IKZF3: variants seen among roughly 807,000 people sequenced by gnomAD.
The protein encoded by IKZF3 is zinc finger protein Aiolos.
Under a neutral mutation model 49.0 loss-of-function variants are expected in IKZF3, and 10 were observed. That is an observed-to-expected ratio of 0.20 (90% CI 0.13 to 0.35). The LOEUF is 0.35. IKZF3 is among the 10% of genes least tolerant of loss of function. The pLI, the probability that IKZF3 is intolerant of heterozygous loss-of-function variation, is 1.00. For missense variants in IKZF3, 498 were observed against 664.8 expected (o/e 0.75, Z 2.76); for synonymous variants, 209 against 228.2 (o/e 0.92, Z 0.76).
At chr17:39,795,393 C>A (rs1167835396) in intron 3 of IKZF3, among the ~76,000 whole-genome samples, 2 of 151,974 alleles carry the variant, frequency 1.3e-5, no homozygotes, top group African/African-American at 4.8e-5. Context: ...TGGGGATTAG[C>A]AACTTATTTT....
rs544133002 is a variant in IKZF3 at position 39,831,549 on chromosome 17, T to G, written c.61+549A>C. ...ATAAATTATTGTAAATGTTTATAAT[T>G]TATTCTAGAGCAGGGATCAGTAAAC... is the stretch of plus-strand genomic sequence containing the variant. On this transcript the variant is annotated intron_variant, in intron 2 of 7. Transcript: ENST00000346872. Among the ~76,000 whole-genome samples the G allele has an allele frequency of 3.4e-4, 52 of 152,266 alleles. No individual in the cohort carries two copies. In the South Asian group the frequency reaches 0.011, roughly 32 times the overall value.
intron 3 of IKZF3, among the ~76,000 whole-genome samples, chr17:39,821,462 G>A (rs2061808679): frequency 6.6e-6 from 1 of 152,160 alleles, no homozygotes; most frequent in Non-Finnish European, 1.5e-5. Context: ...CAAAGGGGCT[G>A]TGATCAGTTA....
chr17:39,795,443 C>T (rs1203545556), intron 3 of IKZF3, among the ~76,000 whole-genome samples: 1 of 152,134 alleles, frequency 6.6e-6, no homozygotes, highest in Non-Finnish European at 1.5e-5. Context: ...TAGTCTTGCT[C>T]TGTTGCCCAG....
chr17:39,791,664 A>T (rs1442217885), intron 4 of IKZF3, 81 bp from the exon 5 acceptor site: 1 of 1,406,980 alleles, frequency 7.1e-7, no homozygotes, highest in Admixed American at 1.8e-5. Flanking sequence ...CTAGGGGAAA[A>T]GCTCATCTTT....
chr17:39,829,815 G>C (rs2144290747), intron 2 of IKZF3, among the ~76,000 whole-genome samples: 1 of 152,292 alleles, frequency 6.6e-6, no homozygotes, highest in South Asian at 2.1e-4. Context: ...AGTTGGGCAT[G>C]GCGGTGCATG....
At chr17:39,850,969 G>A (rs141889458) in intron 1 of IKZF3, among the ~76,000 whole-genome samples, 7,900 of 133,366 alleles carry the variant, frequency 0.059, 323 homozygotes, top group Non-Finnish European at 0.088. Context: ...TATTATATAC[G>A]TGTATATATT....
At chr17:39,811,253 AG>A (rs1421109116) in intron 3 of IKZF3, among the ~76,000 whole-genome samples, 5 of 142,912 alleles carry the variant, frequency 3.5e-5, no homozygotes, top group African/African-American at 1.3e-4. Context: ...AGAAAGAAAG[AG>A]AGGGAGAGAA....
chr17:39,778,101 C>G (rs1285677203), intron 6 of IKZF3: 9 of 1,011,864 alleles, frequency 8.9e-6, no homozygotes, highest in Non-Finnish European at 1.1e-5. Flanking sequence ...CCCGATCAGC[C>G]TTCTTTCTGA....
chr17:39,797,576 C>T (rs2061202053), intron 3 of IKZF3, among the ~76,000 whole-genome samples: 1 of 152,038 alleles, frequency 6.6e-6, no homozygotes, highest in African/African-American at 2.4e-5. Context: ...GCACGTGCCA[C>T]CACACCTGGC....
chr17:39,857,336 A>C, intron 1 of IKZF3, among the ~76,000 whole-genome samples: 1 of 152,200 alleles, frequency 6.6e-6, no homozygotes. Context: ...TATTCTGGTA[A>C]ATTAATAGTC....
intron 3 of IKZF3, among the ~76,000 whole-genome samples, chr17:39,803,063 T>C (rs1223578394): frequency 6.6e-6 from 1 of 152,162 alleles, no homozygotes; most frequent in Non-Finnish European, 1.5e-5. Context: ...AAGAGGAGAT[T>C]TACTACTTTT....
intron 3 of IKZF3, among the ~76,000 whole-genome samples, chr17:39,804,903 C>T (rs1366377609): frequency 6.6e-6 from 1 of 152,144 alleles, no homozygotes; most frequent in African/African-American, 2.4e-5. Flanking sequence ...ACTTTACATA[C>T]TCTGTCTCCT....
At chr17:39,842,840 C>T (rs941115283) in intron 1 of IKZF3, among the ~76,000 whole-genome samples, 6 of 152,218 alleles carry the variant, frequency 3.9e-5, no homozygotes, top group South Asian at 2.1e-4. Flanking sequence ...AAAGCCTGTT[C>T]GATATCACTG....
chr17:39,836,863 T>A (rs2062299764), intron 1 of IKZF3, among the ~76,000 whole-genome samples: 1 of 152,242 alleles, frequency 6.6e-6, no homozygotes, highest in Non-Finnish European at 1.5e-5. Flanking sequence ...TGAATAGTCA[T>A]ATTGTATTTT....
chr17:39,828,725 A>T (rs564235581), intron 3 of IKZF3, among the ~76,000 whole-genome samples: 3 of 152,198 alleles, frequency 2.0e-5, no homozygotes, highest in Admixed American at 6.5e-5. Flanking sequence ...TGGGCTGGGT[A>T]TGGTGGTTCA....
intron 3 of IKZF3, among the ~76,000 whole-genome samples, chr17:39,824,486 G>A (rs1296847523): frequency 2.0e-5 from 3 of 152,056 alleles, no homozygotes; most frequent in South Asian, 2.1e-4. Flanking sequence ...GAAATATGAG[G>A]ACATGCGATT....
chr17:39,785,970 G>T (rs576329214), intron 6 of IKZF3, among the ~76,000 whole-genome samples: 1 of 152,312 alleles, frequency 6.6e-6, no homozygotes, highest in East Asian at 1.9e-4. Context: ...GCCACATATT[G>T]TATGATTCCA....
intron 6 of IKZF3, among the ~76,000 whole-genome samples, chr17:39,780,810 G>T (rs2060722471): frequency 6.6e-6 from 1 of 152,058 alleles, no homozygotes. Flanking sequence ...AACACAGTGA[G>T]ATCCCATCTC....
At position 39,760,565 on chromosome 17, in the gene IKZF3, C is replaced by T. The variant is rs1010559710; in HGVS notation, c.*5225G>A. ...TCTCGAACTCCCAAACTCAGGTGAT[C>T]CGCCCGCCTTGGCCTCCCAAAGTGC... On this transcript the variant is annotated 3_prime_UTR_variant, in exon 8 of 8. Transcript: ENST00000346872. 1 of 152,352 alleles carries T rather than the reference C, an allele frequency of 6.6e-6. No homozygotes were observed. Among genetic ancestry groups the T allele is most frequent in the Non-Finnish European group, 1.5e-5 (1 of 68,164 alleles). The allele number at this position is 152,352 out of a possible 1,614,324, so 9.4% of individuals were successfully genotyped here. A position where few individuals can be genotyped will look rare whatever the true frequency, so the allele number is the denominator to read the frequency against.
Sources: allele counts gnomAD v4.1 joint callset (sites outside exome capture counted in the v4.1 genomes callset), GRCh38; gene constraint gnomAD v4.1.1; transcripts MANE v1.5; gene names NCBI Gene and HGNC (gene_info 2026-07-23, HGNC 2026-07-21).